Variants in TRPM3 observed in about 807,000 individuals in gnomAD.
TRPM3 encodes long transient receptor potential channel 3.
In TRPM3, 77 loss-of-function variants were observed where a neutral mutation model predicts 181.2. That is an observed-to-expected ratio of 0.42 (90% CI 0.35 to 0.51). The LOEUF (loss-of-function observed/expected upper bound fraction) is 0.51. Among genes scored for constraint, TRPM3 ranks in the 20% least tolerant of loss-of-function variants. TRPM3 has a pLI of 0.01. For missense variants in TRPM3, 1,759 were observed against 2,196.7 expected, an observed-to-expected ratio of 0.80 and a Z score of 3.98; for synonymous variants, 745 against 796.4, an observed-to-expected ratio of 0.94 and a Z score of 1.09.
At chr9:71,373,057 G>A (rs2092567534) in intron 1 of TRPM3, among the ~76,000 whole-genome samples, 1 of 152,096 alleles carries the variant, frequency 6.6e-6, no homozygotes, top group African/African-American at 2.4e-5. Flanking sequence ...CAGAAATCAA[G>A]GAGTTATTTG....
chr9:71,296,058 G>A (rs1015528770), intron 1 of TRPM3, among the ~76,000 whole-genome samples: 6 of 151,970 alleles, frequency 3.9e-5, no homozygotes, highest in Non-Finnish European at 7.4e-5. Context: ...TGTGAAAATG[G>A]TACAAAAATA....
intron 1 of TRPM3, among the ~76,000 whole-genome samples, chr9:71,174,209 C>T (rs560130170): frequency 4.2e-4 from 64 of 152,154 alleles, no homozygotes; most frequent in Middle Eastern, 3.4e-3. Flanking sequence ...TGGAAGACAT[C>T]GCAGGAAAAT....
At chr9:71,151,547 G>T (rs2075735121) in intron 1 of TRPM3, among the ~76,000 whole-genome samples, 2 of 151,822 alleles carry the variant, frequency 1.3e-5, no homozygotes, top group African/African-American at 4.8e-5. Flanking sequence ...GGGCAATTTG[G>T]CCATCTTTAT....
chr9:71,249,869 A>G (rs1370114299), intron 1 of TRPM3, among the ~76,000 whole-genome samples: 3 of 152,196 alleles, frequency 2.0e-5, no homozygotes, highest in African/African-American at 7.2e-5. Context: ...CTTGAAAACA[A>G]CGGAGAGATG....
chr9:71,378,183 C>T lies in TRPM3; in HGVS notation c.183+68470G>A, dbSNP rs148103829. Among the ~76,000 whole-genome samples, 116 of 151,984 alleles carry T rather than the reference C, an allele frequency of 7.6e-4. 1 individual carries two copies. In the East Asian group the frequency reaches 0.017, roughly 22 times the overall value. ...AACAGGCACTTTGAAAGAGAAGATA[C>T]GCAAATAGTCAAACAGACCAAATAG... On this transcript the variant is annotated intron_variant, in intron 1 of 24. Coordinates refer to the TRPM3 transcript ENST00000357533.
intron 24 of TRPM3, 70 bp from the exon 25 acceptor site, chr9:70,549,744 T>G: frequency 3.4e-5 from 50 of 1,455,208 alleles, no homozygotes; most frequent in Non-Finnish European, 4.1e-5. Context: ...TTTGTGGGCC[T>G]AGTGACATTC....
At chr9:70,803,223 C>G (rs886697312) in intron 6 of TRPM3, among the ~76,000 whole-genome samples, 1 of 151,852 alleles carries the variant, frequency 6.6e-6, no homozygotes, top group Non-Finnish European at 1.5e-5. Flanking sequence ...CAGTCAGTCC[C>G]CAGGTCTCTT....
intron 3 of TRPM3, among the ~76,000 whole-genome samples, chr9:70,854,915 G>A (rs1232543779): frequency 6.6e-6 from 1 of 152,188 alleles, no homozygotes; most frequent in Non-Finnish European, 1.5e-5. Context: ...ATTTTCATGA[G>A]AAAATGTATT....
intron 1 of TRPM3, among the ~76,000 whole-genome samples, chr9:70,919,721 T>C (rs2096635883): frequency 6.6e-6 from 1 of 151,470 alleles, no homozygotes. Flanking sequence ...GAGGTGGAGA[T>C]TGCAGTGAGC....
chr9:71,281,148 C>T (rs2084672688), intron 1 of TRPM3, among the ~76,000 whole-genome samples: 1 of 152,166 alleles, frequency 6.6e-6, no homozygotes, highest in South Asian at 2.1e-4. Flanking sequence ...CAAGTCAGAA[C>T]CACAAAAGCA....
chr9:71,072,495 G>A (rs773499144), intron 1 of TRPM3, among the ~76,000 whole-genome samples: 1 of 152,036 alleles, frequency 6.6e-6, no homozygotes, highest in Non-Finnish European at 1.5e-5. Context: ...AATAACCCAA[G>A]AGGCAGGTAC....
In TRPM3 at chr9:71,265,880, C is replaced by A. The variant is rs557600004; in HGVS notation, c.183+180773G>T. Among the ~76,000 whole-genome samples, 19 of 152,258 alleles carry A rather than the reference C, an allele frequency of 1.2e-4. 1 individual carries two copies. Among genetic ancestry groups the A allele is most frequent in the African/African-American group, 4.6e-4 (19 of 41,540 alleles). On this transcript the variant is annotated intron_variant, in intron 1 of 24. Transcript: ENST00000357533. Reference sequence around the variant, plus strand: ...CTCTCATATTTTAAGTTCAAGCAACCCACTCAATTAAAATTCAGAACTATC... The same window carrying A: ...CTCTCATATTTTAAGTTCAAGCAACACACTCAATTAAAATTCAGAACTATC...
chr9:70,626,418 C>A (rs1274006608), intron 12 of TRPM3, among the ~76,000 whole-genome samples: 1 of 152,156 alleles, frequency 6.6e-6, no homozygotes, highest in East Asian at 1.9e-4. Flanking sequence ...ACACAAGGGG[C>A]TCCATCCACT....
At chr9:71,077,236 G>C (rs760186141) in intron 1 of TRPM3, among the ~76,000 whole-genome samples, 1 of 152,064 alleles carries the variant, frequency 6.6e-6, no homozygotes, top group Non-Finnish European at 1.5e-5. Flanking sequence ...TCTACGTTTC[G>C]AAGTTTCCAA....
At chr9:71,427,897 C>T (rs2093892558) in intron 1 of TRPM3, among the ~76,000 whole-genome samples, 2 of 151,948 alleles carry the variant, frequency 1.3e-5, no homozygotes, top group African/African-American at 2.4e-5. Context: ...TGCACACGTA[C>T]CCCCTGGATC....
At chr9:71,338,046 C>T (rs1166289581) in intron 1 of TRPM3, among the ~76,000 whole-genome samples, 2 of 151,560 alleles carry the variant, frequency 1.3e-5, no homozygotes, top group African/African-American at 4.9e-5. Flanking sequence ...CAAACCTGCA[C>T]ATTCTGCACA....
chr9:71,178,609 T>C (rs557289996), intron 1 of TRPM3, among the ~76,000 whole-genome samples: 29 of 152,274 alleles, frequency 1.9e-4, no homozygotes, highest in Admixed American at 1.2e-3. Context: ...TAGAACCATA[T>C]TTCTTTAGCA....
chr9:70,758,170 T>C (rs1381890764), intron 8 of TRPM3, among the ~76,000 whole-genome samples: 2 of 152,094 alleles, frequency 1.3e-5, no homozygotes, highest in Admixed American at 6.6e-5. Flanking sequence ...ATCACAAGCA[T>C]CCCTATATAA....
At chr9:70,635,471 T>TTC (rs1286123675) in intron 11 of TRPM3, among the ~76,000 whole-genome samples, 2 of 148,990 alleles carry the variant, frequency 1.3e-5, no homozygotes, top group Non-Finnish European at 3.0e-5. Context: ...GATTTTTTTT[T>TTC]TTTTTTTTTT....
Sources: allele counts gnomAD v4.1 joint callset (sites outside exome capture counted in the v4.1 genomes callset), GRCh38; gene constraint gnomAD v4.1.1; transcripts MANE v1.5; gene names NCBI Gene and HGNC (gene_info 2026-07-23, HGNC 2026-07-21).